The following PTPRS variants were observed in gnomAD, a reference collection of about 807,000 sequenced individuals.
PTPRS encodes the protein receptor-type tyrosine-protein phosphatase S.
A neutral mutation model predicts 215.3 loss-of-function variants in PTPRS; 63 were observed. The ratio of observed to expected loss-of-function variants is 0.29; its 90% CI spans 0.24 to 0.36. The LOEUF is 0.36. Among genes scored for constraint, PTPRS ranks in the 10% least tolerant of loss-of-function variants. The probability of loss-of-function intolerance (pLI) is 1.00; values close to 1 mark genes in which losing one functional copy is unlikely to be tolerated. For synonymous variants in PTPRS, 1,404 were observed against 1,191.4 expected, an observed-to-expected ratio of 1.18 and a Z score of -3.68; for missense variants, 2,258 against 2,825.8, an observed-to-expected ratio of 0.80 and a Z score of 4.56.
chr19:5,296,350 A>C (rs1311193778), intron 1 of PTPRS, among the ~76,000 whole-genome samples: 1 of 152,040 alleles, frequency 6.6e-6, no homozygotes, highest in Non-Finnish European at 1.5e-5. Flanking sequence ...ACTTTTAAAA[A>C]TTAGCTGGGC....
intron 9 of PTPRS, among the ~76,000 whole-genome samples, chr19:5,253,043 T>G (rs1200061392): frequency 6.6e-6 from 1 of 152,156 alleles, no homozygotes; most frequent in East Asian, 1.9e-4. Flanking sequence ...GACACTACCT[T>G]TAGCCACTAA....
chr19:5,314,960 T>C (rs546272949), intron 1 of PTPRS, among the ~76,000 whole-genome samples: 1 of 152,302 alleles, frequency 6.6e-6, no homozygotes, highest in South Asian at 2.1e-4. Context: ...TCCCACCAAC[T>C]GAATATCTAC....
chr19:5,248,246 G>A (rs979964337), intron 9 of PTPRS, among the ~76,000 whole-genome samples: 2 of 151,924 alleles, frequency 1.3e-5, no homozygotes, highest in Non-Finnish European at 2.9e-5. Context: ...ACAGAAAAAC[G>A]GTATCGACGT....
At position 5,220,037 on chromosome 19, in the gene PTPRS, C is replaced by T; in HGVS notation, c.3667G>A (p.Gly1223Ser). ...AAGCCGCCATACTGCTTCTGGTCGC[C>T]GGGATGGAACGTGGGTGGCAGCACA... ...FSVLPPTFHP[G>S]DQKQYGGFDN... The change falls in exon 22 of 38, where the codon GGC becomes AGC. Residue 1223 changes from glycine to serine, a missense_variant. Physicochemically the swap from Gly to Ser is moderately conservative, Grantham distance 56. Around this residue, in one of 6 missense-constraint regions of PTPRS, gnomAD observed 927 missense variants for 1,125.9 expected, o/e 0.82. Coordinates refer to ENST00000262963, the MANE Select transcript of PTPRS (RefSeq NM_002850.4). 6.2e-7 allele frequency: 1 copy of T among 1,614,058 alleles called. No individual in the cohort carries two copies. The highest frequency in any genetic ancestry group is 8.5e-7 in the Non-Finnish European group (1 of 1,180,038).
intron 19 of PTPRS, among the ~76,000 whole-genome samples, chr19:5,221,835 A>T (rs2042003735): frequency 1.3e-5 from 2 of 152,140 alleles, no homozygotes; most frequent in Admixed American, 6.5e-5. Context: ...ATATGGACTA[A>T]ATCTTAATCC....
chr19:5,289,364 G>A (rs572637865), intron 1 of PTPRS, among the ~76,000 whole-genome samples: 2 of 152,222 alleles, frequency 1.3e-5, no homozygotes, highest in East Asian at 1.9e-4. Flanking sequence ...GACAGATGTC[G>A]TCACCTCCAT....
chr19:5,331,862 G>GT (rs2050336950), intron 1 of PTPRS, among the ~76,000 whole-genome samples: 2 of 152,266 alleles, frequency 1.3e-5, no homozygotes, highest in African/African-American at 4.8e-5. Context: ...CAGAGCCAAC[G>GT]TTTATCGAGC....
intron 9 of PTPRS, among the ~76,000 whole-genome samples, chr19:5,248,413 G>T (rs1228476559): frequency 6.6e-6 from 1 of 151,812 alleles, no homozygotes; most frequent in Non-Finnish European, 1.5e-5. Context: ...CATGGAATGG[G>T]TGTGGGGCTG....
chr19:5,239,500 CAG>C (rs1264652595), intron 12 of PTPRS, among the ~76,000 whole-genome samples: 4 of 149,280 alleles, frequency 2.7e-5, no homozygotes, highest in African/African-American at 9.9e-5. Context: ...CAGACAGAAA[CAG>C]GAGAGAGATA....
Position 5,210,445 on chromosome 19 carries a change from C to G in PTPRS, c.5487+24G>C, listed in dbSNP as rs776281813. ...CAGATCACTAAGGCTCCAGCCCCTC[C>G]CGCCAGTCTGTCTCTTCACTCACCC... On this transcript the variant is annotated intron_variant, in intron 35 of 37. Coordinates refer to ENST00000262963, the MANE Select transcript of PTPRS (RefSeq NM_002850.4). The surrounding 1 kb of genome is among the most constrained non-coding windows in gnomAD (Gnocchi z 4.5). 5.6e-6 allele frequency: 9 copies of G among 1,613,886 alleles called. No homozygotes were observed. The highest frequency in any genetic ancestry group is 3.3e-5 in the Admixed American group (2 of 60,008).
intron 1 of PTPRS, among the ~76,000 whole-genome samples, chr19:5,334,542 G>A (rs1388495077): frequency 1.3e-5 from 2 of 152,202 alleles, no homozygotes; most frequent in Non-Finnish European, 2.9e-5. Flanking sequence ...GCAGAGCCGG[G>A]ATTTGAACCC....
At chr19:5,234,005 C>G (rs1599568914) in intron 13 of PTPRS, among the ~76,000 whole-genome samples, 1 of 125,444 alleles carries the variant, frequency 8.0e-6, no homozygotes, top group East Asian at 2.9e-4. Flanking sequence ...ATGTGCCAGG[C>G]AACAGCAATA....
At chr19:5,278,387 T>C (rs2047574435) in intron 2 of PTPRS, among the ~76,000 whole-genome samples, 2 of 151,968 alleles carry the variant, frequency 1.3e-5, no homozygotes, top group Admixed American at 6.6e-5. Flanking sequence ...CCCAGCTAAT[T>C]TTTGTACTGA....
chr19:5,313,000 C>T (rs2049757183), intron 1 of PTPRS, among the ~76,000 whole-genome samples: 1 of 152,202 alleles, frequency 6.6e-6, no homozygotes, highest in Non-Finnish European at 1.5e-5. Flanking sequence ...CTGCAACCTC[C>T]ACCTCCTGGG....
At chr19:5,260,618 A>C (rs1001010667) in intron 7 of PTPRS, among the ~76,000 whole-genome samples, 187 bp downstream of exon 7, 3 of 152,162 alleles carry the variant, frequency 2.0e-5, no homozygotes, top group Non-Finnish European at 4.4e-5. Context: ...CACCTCGGCC[A>C]CATTCAGCCC....
chr19:5,238,336 G>C (rs1290749698), intron 13 of PTPRS, among the ~76,000 whole-genome samples: 1 of 152,152 alleles, frequency 6.6e-6, no homozygotes, highest in African/African-American at 2.4e-5. Context: ...GTGGGGACCT[G>C]CATGCCCCCA....
At chr19:5,328,249 T>C (rs2050222880) in intron 1 of PTPRS, among the ~76,000 whole-genome samples, 1 of 152,166 alleles carries the variant, frequency 6.6e-6, no homozygotes, top group South Asian at 2.1e-4. Context: ...CCTGAGTAGC[T>C]GGGATTACTG....
At chr19:5,225,566 T>A (rs2042410196) in intron 17 of PTPRS, among the ~76,000 whole-genome samples, 161 bp downstream of exon 17, 1 of 151,744 alleles carries the variant, frequency 6.6e-6, no homozygotes, top group African/African-American at 2.4e-5. Context: ...AGCTGGGCCC[T>A]GGACACCCAC....
At chr19:5,232,646 G>A (rs2043112359) in intron 13 of PTPRS, among the ~76,000 whole-genome samples, 1 of 150,228 alleles carries the variant, frequency 6.7e-6, no homozygotes, top group Non-Finnish European at 1.5e-5. Flanking sequence ...CTATGTGCCA[G>A]GCATCATGCC....
Sources: allele counts gnomAD v4.1 joint callset (sites outside exome capture counted in the v4.1 genomes callset), GRCh38; gene constraint gnomAD v4.1.1; regional missense constraint gnomAD v4.1.1; non-coding constraint Gnocchi (gnomAD v3.1); transcripts MANE v1.5; gene names NCBI Gene and HGNC (gene_info 2026-07-23, HGNC 2026-07-21).